The following RANBP17 variants were observed in gnomAD, a reference collection of about 807,000 sequenced individuals.
RANBP17 encodes the protein RAN binding protein 17.
A neutral mutation model predicts 141.2 loss-of-function variants in RANBP17; 158 were observed. The observed-to-expected ratio is 1.12, with a 90% confidence interval of 0.98 to 1.28. The LOEUF (loss-of-function observed/expected upper bound fraction) is 1.28. Among genes scored for constraint, RANBP17 ranks in the 50% most tolerant of loss-of-function variants. The pLI is 0.00. For synonymous variants in RANBP17, 430 were observed against 450.0 expected, an observed-to-expected ratio of 0.96 and a Z score of 0.56; for missense variants, 1,438 against 1,290.7, an observed-to-expected ratio of 1.11 and a Z score of -1.75.
In RANBP17 at chr5:171,117,297, T is replaced by TA. The variant is rs1755704371; in HGVS notation, c.1711-52830dup. ...CTGTCACATTCCCACCAACAGTATA[T>TA]AAACAGTATTTTGTCCACATTCCCA... On this transcript the variant is annotated intron_variant, in intron 14 of 27. Coordinates refer to ENST00000523189, the MANE Select transcript of RANBP17 (RefSeq NM_022897.5). Among the ~76,000 whole-genome samples the TA allele has an allele frequency of 3.9e-5, 6 of 152,188 alleles. No individual in the cohort carries two copies. The South Asian group carries it at 1.2e-3, about 31-fold the overall frequency.
intron 5 of RANBP17, among the ~76,000 whole-genome samples, chr5:170,904,654 C>A (rs1170219216): frequency 1.3e-5 from 2 of 152,076 alleles, no homozygotes; most frequent in Non-Finnish European, 2.9e-5. Flanking sequence ...AATCCTAGTA[C>A]CTGAACTTCA....
intron 18 of RANBP17, among the ~76,000 whole-genome samples, chr5:171,197,682 A>G (rs1207735053): frequency 6.6e-6 from 1 of 152,318 alleles, no homozygotes; most frequent in Admixed American, 6.5e-5. Flanking sequence ...AAGTGGTATT[A>G]TTGTTGCTAT....
rs1778647525 is a variant in RANBP17, at chr5:170,993,696, T to A, written c.1710+25319T>A. On this transcript the variant is annotated intron_variant, in intron 14 of 27. Transcript: ENST00000523189. ...TAATAAATATTAACTGTTGTAATGA[T>A]GATGATAATGATGACCATTGCATGG... Among the ~76,000 whole-genome samples, 5 of 152,066 alleles carry A rather than the reference T, an allele frequency of 3.3e-5. No homozygotes were observed. The South Asian group carries it at 1.0e-3, about 31-fold the overall frequency.
At chr5:171,155,893 A>T (rs1291720465) in intron 14 of RANBP17, among the ~76,000 whole-genome samples, 1 of 152,144 alleles carries the variant, frequency 6.6e-6, no homozygotes, top group Non-Finnish European at 1.5e-5. Flanking sequence ...ATAAAAGGCA[A>T]TACACTACCT....
chr5:170,937,371 A>T (rs1773968000), intron 12 of RANBP17, among the ~76,000 whole-genome samples: 1 of 152,086 alleles, frequency 6.6e-6, no homozygotes, highest in African/African-American at 2.4e-5. Context: ...AACTCTTTGC[A>T]TCAGCTTTTT....
At chr5:170,948,011 G>T (rs1581213928) in intron 12 of RANBP17, among the ~76,000 whole-genome samples, 1 of 152,138 alleles carries the variant, frequency 6.6e-6, no homozygotes, top group East Asian at 1.9e-4. Flanking sequence ...GAAGGAATTG[G>T]TGATGAGTAT....
At chr5:171,140,986 T>TTGGC (rs1757650855) in intron 14 of RANBP17, among the ~76,000 whole-genome samples, 1 of 152,200 alleles carries the variant, frequency 6.6e-6, no homozygotes, top group Non-Finnish European at 1.5e-5. Flanking sequence ...GAAACTATCT[T>TTGGC]TGGCTGTTTG....
In RANBP17 at chr5:171,274,137, T is replaced by TGC. The variant is rs1767328483; in HGVS notation, c.2943+8291_2943+8292insCG. The stretch of plus-strand genomic sequence containing the variant: ...GTGTGTGTGTGTGTGTGTGTGTGTG[T>TGC]GTGTGTGTGTGTGCGCGCGCGCGCG... On this transcript the variant is annotated intron_variant, in intron 25 of 27. Coordinates refer to ENST00000523189, the MANE Select transcript of RANBP17 (RefSeq NM_022897.5). Among the ~76,000 whole-genome samples, 2 of 130,246 alleles carry TGC rather than the reference T, an allele frequency of 1.5e-5. 1 individual carries two copies. The highest frequency in any genetic ancestry group is 4.8e-4 in the South Asian group (2 of 4,134). 85.4% of individuals were successfully genotyped at this position (130,246 alleles called of 152,430 possible).
intron 4 of RANBP17, among the ~76,000 whole-genome samples, chr5:170,894,037 A>G (rs1026333414): frequency 1.3e-5 from 2 of 152,164 alleles, no homozygotes; most frequent in Non-Finnish European, 1.5e-5. Context: ...TGTCTTATCT[A>G]TGTTGTTAAA....
chr5:171,277,746 G>T (rs1475519794), intron 25 of RANBP17, among the ~76,000 whole-genome samples: 1 of 143,600 alleles, frequency 7.0e-6, no homozygotes, highest in African/African-American at 2.6e-5. Flanking sequence ...GCTCTGAGAA[G>T]TTAAAAAACT....
intron 8 of RANBP17, among the ~76,000 whole-genome samples, chr5:170,914,946 A>G (rs1260005168): frequency 1.3e-5 from 2 of 152,106 alleles, no homozygotes; most frequent in African/African-American, 2.4e-5. Context: ...TATATCAGTG[A>G]TGTGTTTGTT....
intron 14 of RANBP17, among the ~76,000 whole-genome samples, chr5:171,120,567 GCT>G (rs1315123029): frequency 3.3e-5 from 5 of 152,116 alleles, no homozygotes; most frequent in South Asian, 2.1e-4. Context: ...TTCTTTTTAT[GCT>G]CTCTGTCTCT....
intron 1 of RANBP17, among the ~76,000 whole-genome samples, chr5:170,870,579 C>T (rs1767638640): frequency 1.3e-5 from 2 of 152,202 alleles, no homozygotes; most frequent in South Asian, 4.1e-4. Flanking sequence ...CATAGTATTC[C>T]ATGGCTTATA....
chr5:171,099,777 G>A (rs113551705), intron 14 of RANBP17, among the ~76,000 whole-genome samples: 11,449 of 151,986 alleles, frequency 0.075, 687 homozygotes, highest in African/African-American at 0.16. Flanking sequence ...GATATGTTCC[G>A]TCAGTTCCTA....
intron 5 of RANBP17, among the ~76,000 whole-genome samples, chr5:170,903,276 T>A (rs1359417879): frequency 6.6e-6 from 1 of 152,234 alleles, no homozygotes; most frequent in Non-Finnish European, 1.5e-5. Context: ...TGTCTTTGTT[T>A]ACACTGTGAG....
chr5:171,011,164 T>C (rs976756344), intron 14 of RANBP17, among the ~76,000 whole-genome samples: 4 of 152,112 alleles, frequency 2.6e-5, no homozygotes, highest in African/African-American at 9.6e-5. Context: ...AATTTTAAAC[T>C]TTACCCAAAT....
At chr5:171,251,993 G>T (rs1030542296) in intron 24 of RANBP17, 1 of 1,609,424 alleles carries the variant, frequency 6.2e-7, no homozygotes, top group Admixed American at 1.7e-5. Context: ...TATTTTTGTC[G>T]TCCATTTCGG....
At chr5:170,890,672 T>TA (rs1373434265) in intron 3 of RANBP17, among the ~76,000 whole-genome samples, 1 of 152,190 alleles carries the variant, frequency 6.6e-6, no homozygotes, top group Non-Finnish European at 1.5e-5. Context: ...TTTTCTCTTT[T>TA]AAAAATTCTT....
chr5:171,013,044 G>A (rs1259606952), intron 14 of RANBP17, among the ~76,000 whole-genome samples: 1 of 152,128 alleles, frequency 6.6e-6, no homozygotes, highest in African/African-American at 2.4e-5. Flanking sequence ...TTTGACTTTA[G>A]AGTTAAATCT....
Sources: gnomAD v4.1 joint callset for allele counts (sites outside exome capture counted in the v4.1 genomes callset) on GRCh38, gnomAD v4.1.1 for gene constraint, MANE v1.5 for transcripts, NCBI Gene and HGNC (gene_info 2026-07-23, HGNC 2026-07-21) for gene names.